The following LILRA1 variants were observed in gnomAD, a reference collection of about 807,000 sequenced individuals.
LILRA1 encodes the protein leukocyte immunoglobulin like receptor A1.
Under a neutral mutation model 51.6 loss-of-function variants are expected in LILRA1, and 51 were observed. The ratio of observed to expected loss-of-function variants is 0.99; its 90% confidence interval spans 0.79 to 1.25. The LOEUF is 1.25. Among genes scored for constraint, LILRA1 ranks in the 50% most tolerant of loss-of-function variants. The pLI is 0.00. For missense variants in LILRA1, 660 were observed against 611.7 expected, an observed-to-expected ratio of 1.08 and a Z score of -0.83; for synonymous variants, 305 against 248.4, an observed-to-expected ratio of 1.23 and a Z score of -2.14.
rs1361377537 is a variant in LILRA1 at position 54,601,852 on chromosome 19, G to A, written c.*1035G>A. ...AAACAGCAAGAGGACTTGAGTCCTA[G>A]CATTAAAGAGTTCAACATGTCTAGG... On this transcript the variant is annotated 3_prime_UTR_variant, in exon 10 of 10. Transcript: ENST00000251372. The A allele has an allele frequency of 1.3e-5, 2 of 152,216 alleles. No homozygotes were observed. The highest frequency in any genetic ancestry group is 2.9e-5 in the Non-Finnish European group (2 of 68,056). 9.4% of individuals were successfully genotyped at this position (152,216 alleles called of 1,614,324 possible).
rs1251567698 is a variant in LILRA1 at position 54,594,854 on chromosome 19, C to A, written c.260C>A (p.Ser87Tyr). The A allele has an allele frequency of 6.2e-6, 10 of 1,614,028 alleles. No individual in the cohort carries two copies. The highest frequency in any genetic ancestry group is 1.7e-5 in the Admixed American group (1 of 60,006). The change falls in exon 4 of 10, where the codon TCC (serine) becomes TAC (tyrosine). Residue 87 changes from serine to tyrosine, a missense_variant. Ser to Tyr is a moderately radical substitution (Grantham distance 144). Coordinates refer to ENST00000251372, the MANE Select transcript of LILRA1 (RefSeq NM_006863.4). ...AAGAAGGGCCAGTTCCCCATCCCAT[C>A]CATCACCTGGGAACACACAGGGCGG... ...IVKKGQFPIPSITWEHTGRYR... is the reference protein window; with the variant it reads ...IVKKGQFPIPYITWEHTGRYR...
chr19:54,598,821 G>A (rs2063111142), intron 7 of LILRA1, among the ~76,000 whole-genome samples: 1 of 152,232 alleles, frequency 6.6e-6, no homozygotes, highest in South Asian at 2.1e-4. Flanking sequence ...TTGAGATGGA[G>A]TTTTGCTCTT....
chr19:54,595,710 C>T lies in LILRA1; in HGVS notation c.733C>T (p.Gln245Ter). ...IVAPGESLTL[Q>*]CVSDVSYDRF... ...GGCCCCTGGGGAGAGCCTGACCCTC[C>T]AGTGTGTTTCTGATGTCAGCTACGA... The change falls in exon 6 of 10, where the codon CAG becomes TAG. Residue 245 changes from glutamine (Q) to a stop codon, truncating the protein, a stop_gained. Coordinates refer to ENST00000251372, the MANE Select transcript of LILRA1 (RefSeq NM_006863.4). LOFTEE classifies it high-confidence loss of function. The T allele has an allele frequency of 6.2e-7, 1 of 1,614,054 alleles. No individual in the cohort carries two copies. Among genetic ancestry groups the T allele is most frequent in the Non-Finnish European group, 8.5e-7 (1 of 1,179,950 alleles).
At chr19:54,599,330 G>A (rs376826359) in intron 8 of LILRA1, 44 bp downstream of exon 8, 513 of 1,531,878 alleles carry the variant, frequency 3.3e-4, no homozygotes, top group Middle Eastern at 7.2e-4. Context: ...GGCACAGAGG[G>A]TCAGGTCCTG....
intron 9 of LILRA1, 51 bp downstream of exon 9, chr19:54,600,601 C>G (rs1340551441): frequency 7.4e-6 from 12 of 1,612,798 alleles, no homozygotes; most frequent in Admixed American, 1.7e-5. Context: ...GGGTTGGGTC[C>G]TGTCAAGGGT....
intron 7 of LILRA1, among the ~76,000 whole-genome samples, chr19:54,596,793 G>C (rs576628650): frequency 6.6e-6 from 1 of 152,232 alleles, no homozygotes; most frequent in Non-Finnish European, 1.5e-5. Flanking sequence ...CATGAACCTG[G>C]GAGGCGGAGC....
intron 8 of LILRA1, among the ~76,000 whole-genome samples, 193 bp from the exon 9 acceptor site, chr19:54,600,319 G>A (rs887367746): frequency 6.6e-6 from 1 of 152,118 alleles, no homozygotes; most frequent in East Asian, 1.9e-4. Context: ...TGCCTCAGGA[G>A]TAACATTCGA....
In LILRA1 at chr19:54,596,728, G is replaced by A. The variant is rs1176127224; in HGVS notation, c.1261+237G>A. ...AAAAAATAGAAAAAATTAGCCAAGCGTGGTGGCAGGTGTCTGTAGTCCCAG... is the reference window on the plus strand; with the variant it reads ...AAAAAATAGAAAAAATTAGCCAAGCATGGTGGCAGGTGTCTGTAGTCCCAG... On this transcript the variant is annotated intron_variant, in intron 7 of 9. Coordinates refer to ENST00000251372, the MANE Select transcript of LILRA1 (RefSeq NM_006863.4). Among the ~76,000 whole-genome samples, 5 of 152,150 alleles carry A rather than the reference G, an allele frequency of 3.3e-5. No homozygotes were observed. In the East Asian group the frequency reaches 5.8e-4, roughly 18 times the overall value.
At chr19:54,596,128 T>C in intron 6 of LILRA1, 61 bp from the exon 7 acceptor site, 1 of 1,573,280 alleles carries the variant, frequency 6.4e-7, no homozygotes, top group East Asian at 2.2e-5. Flanking sequence ...GATAGAAGCC[T>C]GGGGAGGCGT....
rs1374862583 is a variant in LILRA1 at position 54,595,255 on chromosome 19, C to A, written c.514C>A (p.Pro172Thr). 2 of 1,614,034 alleles carry A rather than the reference C, an allele frequency of 1.2e-6. No homozygotes were observed. Among genetic ancestry groups the A allele is most frequent in the Non-Finnish European group, 1.7e-6 (2 of 1,179,976 alleles). Residue 172 changes from proline to threonine, a missense_variant, in exon 5 of 10, where the codon CCC (proline) becomes ACC (threonine). Physicochemically the swap from Pro to Thr is conservative, Grantham distance 38. Coordinates refer to ENST00000251372, the MANE Select transcript of LILRA1 (RefSeq NM_006863.4). ...ACACCCACAATGCCTGAACTCACAG[C>A]CCCGTACCCATGGGTGGTCCCGGGC... ...DEHPQCLNSQ[P>T]RTHGWSRAIF... is the part of the protein sequence containing the mutation.
rs2063168064 is a variant in LILRA1, at chr19:54,601,988, G to A, written c.*1171G>A. On this transcript the variant is annotated 3_prime_UTR_variant, in exon 10 of 10. Transcript: ENST00000251372. Reference sequence around the variant, plus strand: ...GGATCAAATAGTCCTCAACTTTCTAGGACAAAGGGAGCAGCTATTTGCCAT... The same window carrying A: ...GGATCAAATAGTCCTCAACTTTCTAAGACAAAGGGAGCAGCTATTTGCCAT... 1 of 152,122 alleles carries A rather than the reference G, an allele frequency of 6.6e-6. No homozygotes were observed. The highest frequency in any genetic ancestry group is 6.5e-5 in the Admixed American group (1 of 15,284). 9.4% of individuals were successfully genotyped at this position (152,122 alleles called of 1,614,324 possible). A position where few individuals can be genotyped will look rare whatever the true frequency, so the allele number is the denominator to read the frequency against.
Position 54,596,199 on chromosome 19 carries a change from TG to T in LILRA1, c.971del (p.Gly324AlafsTer19), listed in dbSNP as rs761216341. The T allele has an allele frequency of 1.6e-5, 26 of 1,613,544 alleles. No homozygotes were observed. Among genetic ancestry groups the T allele is most frequent in the Non-Finnish European group, 2.0e-5 (24 of 1,179,784 alleles). On this transcript the variant is annotated frameshift_variant, in exon 7 of 10. Transcript: ENST00000251372. LOFTEE classifies it high-confidence loss of function. ...LDILIAGQFRGRPFISVHPGP... is the reference protein window; with the variant it reads ...LDILIAGQFRXRPFISVHPGP... ...CCTTCTTCTCTCCAGGACAGTTCCG[TG>T]GCAGACCCTTCATCTCGGTGCATCC...
rs1362649479 is a variant in LILRA1 at position 54,595,156 on chromosome 19, G to A, written c.415G>A (p.Gly139Arg). Residue 139 changes from glycine (G) to arginine (R), a missense_variant, in exon 5 of 10, where the codon GGG becomes AGG. Gly to Arg is a moderately radical substitution (Grantham distance 125, BLOSUM62 -2). Transcript: ENST00000251372. ...ALPSPVVTSG[G>R]NVTLHCVSQV... The stretch of plus-strand genomic sequence containing the variant: ...ACCCAGCCCTGTGGTGACCTCAGGA[G>A]GGAACGTGACCCTCCATTGTGTCTC... The A allele has an allele frequency of 1.9e-6, 3 of 1,614,156 alleles. No homozygotes were observed. The highest frequency in any genetic ancestry group is 2.2e-5 in the East Asian group (1 of 44,884).
chr19:54,601,531 C>G lies in LILRA1; in HGVS notation c.*714C>G, dbSNP rs1023142023. 8 of 152,740 alleles carry G rather than the reference C, an allele frequency of 5.2e-5. No homozygotes were observed. The highest frequency in any genetic ancestry group is 1.9e-4 in the African/African-American group (8 of 41,580). The allele number at this position is 152,740 out of a possible 1,614,324, so 9.5% of individuals were successfully genotyped here. ...TGTGCTTTCTGTCTCTACGGATTTGCCTATTCTGTCTGAAAACATTTCAAT... is the reference window on the plus strand; with the variant it reads ...TGTGCTTTCTGTCTCTACGGATTTGGCTATTCTGTCTGAAAACATTTCAAT... On this transcript the variant is annotated 3_prime_UTR_variant, in exon 10 of 10. Coordinates refer to ENST00000251372, the MANE Select transcript of LILRA1 (RefSeq NM_006863.4).
At position 54,602,045 on chromosome 19, in the gene LILRA1, C is replaced by G. The variant is rs1218413081; in HGVS notation, c.*1228C>G. 1.3e-5 allele frequency: 2 copies of G among 152,080 alleles called. No individual in the cohort carries two copies. Among genetic ancestry groups the G allele is most frequent in the Non-Finnish European group, 2.9e-5 (2 of 68,034 alleles). The allele number at this position is 152,080 out of a possible 1,614,324, so 9.4% of individuals were successfully genotyped here. On this transcript the variant is annotated 3_prime_UTR_variant, in exon 10 of 10. Transcript: ENST00000251372. ...TCCAGAATAAAGAAATCTTATCATT[C>G]ACCATCTACCCTCTAGAATAAAGAA...
chr19:54,596,406 G>T lies in LILRA1; in HGVS notation c.1176G>T (p.Ser392=). 1 of 1,613,954 alleles carries T rather than the reference G, an allele frequency of 6.2e-7. No homozygotes were observed. The highest frequency in any genetic ancestry group is 1.1e-5 in the South Asian group (1 of 91,076). The part of the protein sequence containing the change: ...FPMSPVTSAH[S]GTYRCYGSLS... ...TGAGTCCTGTGACCTCAGCCCACTC[G>T]GGGACCTACAGGTGCTACGGCTCAC... Residue 392 remains serine (S), a synonymous_variant, in exon 7 of 10, where the codon TCG becomes TCT. Coordinates refer to ENST00000251372, the MANE Select transcript of LILRA1 (RefSeq NM_006863.4).
In LILRA1 at chr19:54,601,922, T is replaced by C. The variant is rs2063167331; in HGVS notation, c.*1105T>C. On this transcript the variant is annotated 3_prime_UTR_variant, in exon 10 of 10. Coordinates refer to ENST00000251372, the MANE Select transcript of LILRA1 (RefSeq NM_006863.4). ...TTGAAGGATGTAAAACCCTGCTGCA[T>C]AGGATGGAATATTTGGAGGGAGGAT... 1 of 152,194 alleles carries C rather than the reference T, an allele frequency of 6.6e-6. No individual in the cohort carries two copies. The highest frequency in any genetic ancestry group is 2.4e-5 in the African/African-American group (1 of 41,434). The allele number at this position is 152,194 out of a possible 1,614,324, so 9.4% of individuals were successfully genotyped here. A position where few individuals can be genotyped will look rare whatever the true frequency, so the allele number is the denominator to read the frequency against.
chr19:54,601,137 C>A lies in LILRA1; in HGVS notation c.*320C>A, dbSNP rs1402485976. 3 of 451,908 alleles carry A rather than the reference C, an allele frequency of 6.6e-6. No homozygotes were observed. Among genetic ancestry groups the A allele is most frequent in the Non-Finnish European group, 4.1e-6 (1 of 245,984 alleles). The allele number at this position is 451,908 out of a possible 1,614,324, so 28.0% of individuals were successfully genotyped here. On this transcript the variant is annotated 3_prime_UTR_variant, in exon 10 of 10. Transcript: ENST00000251372. ...CCACATGGCAGCGTTGGGTCCACAC[C>A]TCTGCACATCTGTGTGCTCTGGTCC...
In LILRA1 at chr19:54,601,050, G is replaced by A; in HGVS notation, c.*233G>A. 1 of 592,948 alleles carries A rather than the reference G, an allele frequency of 1.7e-6. No individual in the cohort carries two copies. The highest frequency in any genetic ancestry group is 2.0e-5 in the South Asian group (1 of 49,788). 36.7% of individuals were successfully genotyped at this position (592,948 alleles called of 1,614,324 possible). On this transcript the variant is annotated 3_prime_UTR_variant, in exon 10 of 10. Coordinates refer to ENST00000251372, the MANE Select transcript of LILRA1 (RefSeq NM_006863.4). The stretch of plus-strand genomic sequence containing the variant: ...TGTGATACCTTTCCTCTCTATTAAT[G>A]TTGACTTCCCTTGGTTGGATCCTCT...
Sources: allele counts gnomAD v4.1 joint callset (sites outside exome capture counted in the v4.1 genomes callset), GRCh38; gene constraint gnomAD v4.1.1; transcripts MANE v1.5; gene names NCBI Gene and HGNC (gene_info 2026-07-23, HGNC 2026-07-21).